CRYL1: variants seen among roughly 807,000 people sequenced by gnomAD.
CRYL1 encodes the protein crystallin lambda 1.
Under a neutral mutation model 36.6 loss-of-function variants are expected in CRYL1, and 29 were observed. That is an observed-to-expected ratio of 0.79 (90% CI 0.59 to 1.08). CRYL1 has a LOEUF of 1.08. CRYL1 is among the 50% of genes least tolerant of loss of function. The pLI, the probability that CRYL1 is intolerant of heterozygous loss-of-function variation, is 0.00. For missense variants in CRYL1, 411 were observed against 407.9 expected (o/e 1.01, Z -0.06); for synonymous variants, 152 against 151.5 (o/e 1.00, Z -0.02).
chr13:20,410,391 G>A (rs1565954972), intron 6 of CRYL1, among the ~76,000 whole-genome samples: 3 of 128,746 alleles, frequency 2.3e-5, no homozygotes, highest in Non-Finnish European at 4.9e-5. Flanking sequence ...AGTGGGGTGG[G>A]GGGAGGGGGG....
intron 3 of CRYL1, chr13:20,439,977 A>C: frequency 2.2e-6 from 1 of 446,636 alleles, no homozygotes; most frequent in Non-Finnish European, 4.0e-6. Context: ...CCATAAAAGA[A>C]TTTTCTGCCC....
At chr13:20,455,925 C>T (rs73443954) in intron 3 of CRYL1, among the ~76,000 whole-genome samples, 6 of 152,162 alleles carry the variant, frequency 3.9e-5, no homozygotes, top group Admixed American at 6.5e-5. Context: ...GAGAGCCCAG[C>T]GATAGATCCA....
At chr13:20,413,051 C>A (rs2031562363) in intron 6 of CRYL1, among the ~76,000 whole-genome samples, 1 of 152,192 alleles carries the variant, frequency 6.6e-6, no homozygotes. Context: ...TGAGCTCTCA[C>A]CTGAGCACAA....
At chr13:20,497,086 A>G (rs530809936) in intron 2 of CRYL1, among the ~76,000 whole-genome samples, 6 of 152,230 alleles carry the variant, frequency 3.9e-5, no homozygotes, top group African/African-American at 1.4e-4. Flanking sequence ...CAAAGAGGAC[A>G]CAGTGTGAAT....
intron 3 of CRYL1, among the ~76,000 whole-genome samples, chr13:20,444,886 T>A (rs2032422520): frequency 6.6e-6 from 1 of 152,196 alleles, no homozygotes; most frequent in Middle Eastern, 3.2e-3. Context: ...TCAGCTAATT[T>A]TTTGTATTTT....
chr13:20,480,289 G>A (rs2033249611), intron 3 of CRYL1, among the ~76,000 whole-genome samples: 2 of 152,062 alleles, frequency 1.3e-5, no homozygotes, highest in East Asian at 1.9e-4. Flanking sequence ...GCTGAGGCAG[G>A]AGAATCACTT....
chr13:20,508,824 G>C lies in CRYL1; in HGVS notation c.149+3619C>G, dbSNP rs374208905. Reference sequence around the variant, plus strand: ...AGATCGCTCCACTGCACTCCACTCCGGCCTAGGTGGCAGAGCGAGACTCCA... The same window carrying C: ...AGATCGCTCCACTGCACTCCACTCCCGCCTAGGTGGCAGAGCGAGACTCCA... On this transcript the variant is annotated intron_variant, in intron 2 of 7. Coordinates refer to ENST00000298248, the MANE Select transcript of CRYL1 (RefSeq NM_015974.3). 4.1e-3 allele frequency among the ~76,000 whole-genome samples: 472 copies of C among 115,066 alleles called. 23 individuals are homozygous for C. In the South Asian group the frequency reaches 0.11, roughly 26 times the overall value. The allele number at this position is 115,066 out of a possible 152,430, so 75.5% of individuals were successfully genotyped here. A position where few individuals can be genotyped will look rare whatever the true frequency, so the allele number is the denominator to read the frequency against.
intron 2 of CRYL1, among the ~76,000 whole-genome samples, chr13:20,496,835 A>G (rs1440340212): frequency 3.2e-5 from 2 of 63,210 alleles, no homozygotes; most frequent in Non-Finnish European, 6.1e-5. Flanking sequence ...CCAGAGCAAG[A>G]CCCCGTCTCA....
chr13:20,404,947 G>A (rs188195058), intron 6 of CRYL1, among the ~76,000 whole-genome samples: 3 of 152,226 alleles, frequency 2.0e-5, no homozygotes, highest in African/African-American at 2.4e-5. Context: ...CACTGTCCAC[G>A]CTGGCTCCTG....
chr13:20,429,080 T>G (rs904181668), intron 5 of CRYL1, among the ~76,000 whole-genome samples: 1 of 152,150 alleles, frequency 6.6e-6, no homozygotes, highest in Admixed American at 6.5e-5. Flanking sequence ...GCTCATTCCA[T>G]TCACTACAGT....
At chr13:20,516,183 T>C (rs1245141650) in intron 1 of CRYL1, among the ~76,000 whole-genome samples, 1 of 57,738 alleles carries the variant, frequency 1.7e-5, no homozygotes, top group Non-Finnish European at 3.0e-5. Flanking sequence ...AGAGCAAAAC[T>C]CCATCTCAAA....
intron 3 of CRYL1, among the ~76,000 whole-genome samples, chr13:20,446,492 G>A (rs571773266): frequency 2.7e-4 from 41 of 152,320 alleles, no homozygotes; most frequent in African/African-American, 9.4e-4. Context: ...TTGGTACTCT[G>A]ACTGTCCTTG....
At chr13:20,472,681 G>A (rs891114696) in intron 3 of CRYL1, among the ~76,000 whole-genome samples, 3 of 152,186 alleles carry the variant, frequency 2.0e-5, no homozygotes, top group African/African-American at 7.2e-5. Flanking sequence ...GACAGCGCGT[G>A]GCCCTCTGAG....
chr13:20,496,601 T>A (rs1054977493), intron 2 of CRYL1, among the ~76,000 whole-genome samples: 1 of 152,098 alleles, frequency 6.6e-6, no homozygotes, highest in Non-Finnish European at 1.5e-5. Flanking sequence ...AGGCTAATAA[T>A]GGATCTTTTT....
intron 4 of CRYL1, among the ~76,000 whole-genome samples, chr13:20,437,718 T>A (rs2032261505): frequency 6.6e-6 from 1 of 152,220 alleles, no homozygotes; most frequent in African/African-American, 2.4e-5. Flanking sequence ...GGGACTGGGC[T>A]GGGTGTGAGG....
chr13:20,417,495 A>G (rs1194180843), intron 5 of CRYL1, among the ~76,000 whole-genome samples: 2 of 152,220 alleles, frequency 1.3e-5, no homozygotes, highest in African/African-American at 4.8e-5. Context: ...TACTTACTCC[A>G]TTTTAAGGTA....
At position 20,435,463 on chromosome 13, in the gene CRYL1, C is replaced by T. The variant is rs111276407; in HGVS notation, c.439-3167G>A. ...GCCGCCGCAAAAGGACCTTCGAGGT[C>T]TCCCGGCTGGGAAACAGTCTCCCTA... On this transcript the variant is annotated intron_variant, in intron 4 of 7. Transcript: ENST00000298248. This position sits in a 1 kb window ranked among gnomAD's most constrained non-coding sequence, Gnocchi z 4.0. Among the ~76,000 whole-genome samples the T allele has an allele frequency of 0.015, 2,282 of 152,272 alleles. 64 individuals are homozygous for T. The highest frequency in any genetic ancestry group is 0.053 in the African/African-American group (2,185 of 41,556).
intron 3 of CRYL1, among the ~76,000 whole-genome samples, chr13:20,447,733 G>A (rs1287379925): frequency 1.3e-5 from 2 of 152,136 alleles, no homozygotes; most frequent in East Asian, 3.8e-4. Context: ...CATTACTAGA[G>A]GAACTTGAAA....
intron 6 of CRYL1, among the ~76,000 whole-genome samples, chr13:20,405,258 G>A (rs1166184906): frequency 6.6e-6 from 1 of 151,294 alleles, no homozygotes; most frequent in African/African-American, 2.4e-5. Flanking sequence ...GCAACAGAGC[G>A]AGACTCCGTC....
Sources: allele counts gnomAD v4.1 joint callset (sites outside exome capture counted in the v4.1 genomes callset), GRCh38; gene constraint gnomAD v4.1.1; non-coding constraint Gnocchi (gnomAD v3.1); transcripts MANE v1.5; gene names NCBI Gene and HGNC (gene_info 2026-07-23, HGNC 2026-07-21).